Variants in STMN1 observed in about 807,000 individuals in gnomAD.
STMN1 encodes the protein stathmin.
Under a neutral mutation model 19.7 loss-of-function variants are expected in STMN1, and 3 were observed. The ratio of observed to expected loss-of-function variants is 0.15; its 90% confidence interval spans 0.07 to 0.39. STMN1 has a LOEUF of 0.39. Ranked by LOEUF, STMN1 falls within the 10% of genes least tolerant of loss-of-function variation. The pLI, the probability that STMN1 is intolerant of heterozygous loss-of-function variation, is 1.00. For synonymous variants in STMN1, 59 were observed against 58.9 expected, an observed-to-expected ratio of 1.00 and a Z score of -0.01; for missense variants, 99 against 176.0, an observed-to-expected ratio of 0.56 and a Z score of 2.48.
intron 4 of STMN1, chr1:25,886,018 C>A: frequency 8.6e-7 from 1 of 1,156,564 alleles, no homozygotes; most frequent in Non-Finnish European, 1.2e-6. Flanking sequence ...ATACTGACAC[C>A]TGGCCCCCAC....
Position 25,903,450 on chromosome 1 carries a change from G to GA in STMN1, c.186+190dup, listed in dbSNP as rs930936719. On this transcript the variant is annotated intron_variant, in intron 3 of 4. Coordinates refer to ENST00000455785, the MANE Select transcript of STMN1 (RefSeq NM_005563.4). ...TGAGGCAACACCATGTATTAAAGGA[G>GA]AAAAATATAAACAAAGGAGCGGGCA... 28 of 705,426 alleles carry GA rather than the reference G, an allele frequency of 4.0e-5. No homozygotes were observed. In the African/African-American group the frequency reaches 4.7e-4, roughly 12 times the overall value. 43.7% of individuals were successfully genotyped at this position (705,426 alleles called of 1,614,324 possible).
Position 25,901,687 on chromosome 1 carries a change from A to T in STMN1, c.187-5T>A. On this transcript the variant is annotated splice_region_variant and splice_polypyrimidine_tract_variant and intron_variant, in intron 3 of 4. Transcript: ENST00000455785. ...CAAGACCTCAGCTTCATGGGACTGG[A>T]AAAAAAAGTTTAATAGGCTAGGCAC... The T allele has an allele frequency of 6.3e-7, 1 of 1,598,658 alleles. No individual in the cohort carries two copies. Among genetic ancestry groups the T allele is most frequent in the Non-Finnish European group, 8.5e-7 (1 of 1,174,164 alleles).
intron 3 of STMN1, chr1:25,902,977 T>A (rs1351592461): frequency 6.6e-6 from 1 of 152,224 alleles, no homozygotes; most frequent in Non-Finnish European, 1.5e-5. Context: ...ATGAGTAACA[T>A]TGAATGGAAA....
In STMN1 at chr1:25,904,672, G is replaced by T. The variant is rs2048916843; in HGVS notation, c.5C>A (p.Ala2Asp). 3.7e-6 allele frequency: 6 copies of T among 1,613,718 alleles called. No individual in the cohort carries two copies. Among genetic ancestry groups the T allele is most frequent in the Non-Finnish European group, 4.2e-6 (5 of 1,179,792 alleles). Residue 2 changes from alanine to aspartate, a missense_variant, in exon 2 of 5, where the codon GCT (alanine) becomes GAT (aspartate). Ala to Asp is a moderately radical substitution (Grantham distance 126). Around this residue, in one of 3 missense-constraint regions of STMN1, gnomAD observed 37 missense variants for 57.9 expected, o/e 0.64. Transcript: ENST00000455785. M[A>D]SSDIQVKELE... ...CCAAATAGATTACCTACCAGAAGAA[G>T]CCATGGTGAATAGAAGACAAGCGAC...
chr1:25,887,459 C>T, intron 4 of STMN1: 1 of 381,704 alleles, frequency 2.6e-6, no homozygotes. Flanking sequence ...GGCTATCTGG[C>T]ATCTTAGATG....
At chr1:25,893,754 C>T (rs938041566) in intron 4 of STMN1, among the ~76,000 whole-genome samples, 13 of 152,136 alleles carry the variant, frequency 8.5e-5, no homozygotes, top group East Asian at 1.9e-4. Flanking sequence ...TTGGCCAAGC[C>T]GGTCTCAAAC....
chr1:25,903,728 T>C lies in STMN1; in HGVS notation c.99A>G (p.Pro33=). ...TCTTTGGAGGGGAAAGGGGGAATTC[T>C]GGAACAGATTCTTTTGACCGAGGGC... The part of the protein sequence containing the change: ...ILSPRSKESV[P]EFPLSPPKKK... Residue 33 remains proline (P), a synonymous_variant, in exon 3 of 5, where the codon CCA becomes CCG. Transcript: ENST00000455785. 1 of 1,614,066 alleles carries C rather than the reference T, an allele frequency of 6.2e-7. No individual in the cohort carries two copies. Among genetic ancestry groups the C allele is most frequent in the Non-Finnish European group, 8.5e-7 (1 of 1,180,030 alleles).
chr1:25,887,900 T>C (rs2048738162), intron 4 of STMN1, among the ~76,000 whole-genome samples: 1 of 152,234 alleles, frequency 6.6e-6, no homozygotes, highest in Non-Finnish European at 1.5e-5. Context: ...TTGGCCAGGA[T>C]GGTCTCGATC....
chr1:25,901,634 C>T lies in STMN1; in HGVS notation c.235G>A (p.Glu79Lys). 1.2e-6 allele frequency: 2 copies of T among 1,613,174 alleles called. No homozygotes were observed. The change falls in exon 4 of 5, where the codon GAG (glutamate) becomes AAG (lysine). Residue 79 changes from glutamate to lysine, a missense_variant. Transcript: ENST00000455785. ...LKQLAEKREH[E>K]KEVLQKAIEE... ...ATTGCCTTCTGAAGCACTTCTTTCT[C>T]GTGCTCTCGTTTCTCAGCCAGCTGC...
intron 3 of STMN1, chr1:25,903,337 G>C (rs1209590087): frequency 1.1e-5 from 3 of 276,690 alleles, no homozygotes; most frequent in Admixed American, 1.0e-4. Context: ...ATAGACCAGG[G>C]CTTGAATTCT....
chr1:25,904,819 T>G (rs1178634691), intron 1 of STMN1, 81 bp from the exon 2 acceptor site: 14 of 932,894 alleles, frequency 1.5e-5, no homozygotes, highest in Non-Finnish European at 2.0e-5. Flanking sequence ...TCACATCACA[T>G]CTACATACAT....
At chr1:25,898,863 T>A (rs1395069484), downstream of STMN1, among the ~76,000 whole-genome samples, 2 of 152,068 alleles carry the variant, frequency 1.3e-5, no homozygotes, top group Admixed American at 6.5e-5. Flanking sequence ...CCCCAGAAGC[T>A]CGTAGGTGCC....
At chr1:25,901,467 C>A (rs1557483700) in intron 4 of STMN1, 24 bp downstream of exon 4, 1 of 1,588,216 alleles carries the variant, frequency 6.3e-7, no homozygotes, top group Admixed American at 1.8e-5. Flanking sequence ...CAAGCTCAAC[C>A]CTTTTACAAA....
intron 4 of STMN1, among the ~76,000 whole-genome samples, chr1:25,887,981 G>A (rs564037580): frequency 1.6e-4 from 24 of 152,278 alleles, no homozygotes; most frequent in African/African-American, 5.5e-4. Context: ...CACCGTGCCC[G>A]GCCCTTGTTG....
chr1:25,898,885 T>C (rs1339061969), downstream of STMN1, among the ~76,000 whole-genome samples: 1 of 152,204 alleles, frequency 6.6e-6, no homozygotes, highest in Non-Finnish European at 1.5e-5. Context: ...CCGCTCCTCC[T>C]CTTCACTCCA....
chr1:25,891,123 A>C (rs189007858), intron 4 of STMN1, among the ~76,000 whole-genome samples: 2 of 152,248 alleles, frequency 1.3e-5, no homozygotes, highest in Admixed American at 1.3e-4. Context: ...ACCTGAGGTC[A>C]GGAGTTCAAG....
chr1:25,897,644 C>T (rs989515994), downstream of STMN1, among the ~76,000 whole-genome samples: 1 of 152,104 alleles, frequency 6.6e-6, no homozygotes, highest in Non-Finnish European at 1.5e-5. Context: ...GACTTGTGAG[C>T]AGGTCTGAGG....
At chr1:25,905,386 G>A (rs1187781827) in intron 1 of STMN1, 11 of 152,222 alleles carry the variant, frequency 7.2e-5, no homozygotes, top group African/African-American at 2.7e-4. Flanking sequence ...CAAAAACGTA[G>A]GATGACAGGT....
At chr1:25,891,295 C>T (rs2048773113) in intron 4 of STMN1, among the ~76,000 whole-genome samples, 1 of 151,000 alleles carries the variant, frequency 6.6e-6, no homozygotes, top group African/African-American at 2.4e-5. Flanking sequence ...CATGCCATTG[C>T]ACTCCAGCTT....
Sources: allele counts gnomAD v4.1 joint callset (sites outside exome capture counted in the v4.1 genomes callset), GRCh38; gene constraint gnomAD v4.1.1; regional missense constraint gnomAD v4.1.1; transcripts MANE v1.5; gene names NCBI Gene and HGNC (gene_info 2026-07-23, HGNC 2026-07-21).